Variants in SORCS2 observed in about 807,000 individuals in gnomAD.
The protein encoded by SORCS2 is VPS10 domain-containing receptor SorCS2.
Under a neutral mutation model 141.6 loss-of-function variants are expected in SORCS2, and 100 were observed. The ratio of observed to expected loss-of-function variants is 0.71; its 90% confidence interval spans 0.60 to 0.83. SORCS2 has a LOEUF of 0.83. Among genes scored for constraint, SORCS2 ranks in the 40% least tolerant of loss-of-function variants. SORCS2 has a pLI of 0.00. For synonymous variants in SORCS2, 789 were observed against 676.9 expected (o/e 1.17, Z -2.57); for missense variants, 1,646 against 1,560.2 (o/e 1.05, Z -0.93).
chr4:7,710,555 A>C (rs1725762463), intron 14 of SORCS2, among the ~76,000 whole-genome samples: 1 of 152,182 alleles, frequency 6.6e-6, no homozygotes, highest in Admixed American at 6.5e-5. Context: ...TTAAGAGACC[A>C]ATGCCCCAGG....
chr4:7,426,318 C>T (rs577733233), intron 2 of SORCS2, among the ~76,000 whole-genome samples: 49 of 36,712 alleles, frequency 1.3e-3, no homozygotes, highest in Middle Eastern at 0.018. Flanking sequence ...GGCCCGAGGA[C>T]GGCTTTGCTG....
intron 3 of SORCS2, among the ~76,000 whole-genome samples, chr4:7,603,119 G>C (rs9291138): frequency 0.023 from 3,518 of 151,806 alleles, 156 homozygotes; most frequent in African/African-American, 0.079. Context: ...CTACAGTTCA[G>C]CCTCCGCTCG....
intron 1 of SORCS2, among the ~76,000 whole-genome samples, chr4:7,383,150 C>A (rs1260367927): frequency 6.6e-6 from 1 of 152,136 alleles, no homozygotes; most frequent in Non-Finnish European, 1.5e-5. Flanking sequence ...CTTCTCCCAG[C>A]AGCTTTCTTG....
At chr4:7,561,069 T>C (rs1490026119) in intron 3 of SORCS2, among the ~76,000 whole-genome samples, 1 of 152,178 alleles carries the variant, frequency 6.6e-6, no homozygotes, top group Non-Finnish European at 1.5e-5. Flanking sequence ...TGTCTTTCGA[T>C]GTCACCTCCT....
chr4:7,396,176 C>T (rs959867686), intron 1 of SORCS2, 112 bp from the exon 2 acceptor site: 17 of 906,968 alleles, frequency 1.9e-5, no homozygotes, highest in South Asian at 8.2e-5. Context: ...GGCCCCTGGG[C>T]GGCTGTTATT....
At chr4:7,391,909 A>G (rs1723887573) in intron 1 of SORCS2, among the ~76,000 whole-genome samples, 1 of 152,158 alleles carries the variant, frequency 6.6e-6, no homozygotes, top group Non-Finnish European at 1.5e-5. Context: ...CTGCAGACAC[A>G]CAGTCCCTAA....
intron 9 of SORCS2, among the ~76,000 whole-genome samples, chr4:7,677,774 C>T (rs1723259104): frequency 6.6e-6 from 1 of 152,194 alleles, no homozygotes; most frequent in Admixed American, 6.5e-5. Flanking sequence ...GGTTCATCTC[C>T]CCAGCAGACG....
At chr4:7,540,201 C>T (rs960351289) in intron 3 of SORCS2, among the ~76,000 whole-genome samples, 1 of 131,276 alleles carries the variant, frequency 7.6e-6, no homozygotes, top group South Asian at 2.6e-4. Flanking sequence ...CCTCCCTGCC[C>T]CTCCCTGCCC....
At chr4:7,222,654 C>T (rs544193888) in intron 1 of SORCS2, among the ~76,000 whole-genome samples, 3 of 152,188 alleles carry the variant, frequency 2.0e-5, no homozygotes, top group Admixed American at 6.5e-5. Context: ...GTAGTGCGGC[C>T]GGGGCAGAGG....
chr4:7,689,509 C>T lies in SORCS2; in HGVS notation c.1512C>T (p.His504=), dbSNP rs183518374. The T allele has an allele frequency of 3.1e-4, 501 of 1,604,282 alleles. No homozygotes were observed. The African/African-American group carries it at 4.4e-3, about 14-fold the overall frequency. ...AGCCAGACTGCCACCTGCACCTGCA[C>T]CTGCGCTGGGCAGACAACCCCTACG... ...CKPPDCHLHL[H]LRWADNPYVS... Residue 504 remains histidine, a synonymous_variant, in exon 11 of 27, where the codon CAC becomes CAT. Transcript: ENST00000507866.
At chr4:7,729,829 C>T (rs1231639932) in intron 23 of SORCS2, 117 bp downstream of exon 23, 9 of 1,413,482 alleles carry the variant, frequency 6.4e-6, no homozygotes, top group Non-Finnish European at 8.5e-6. Flanking sequence ...TTTCTCGCTG[C>T]ATCTCAGTCT....
In SORCS2 at chr4:7,591,197, C is replaced by A. The variant is rs552163251; in HGVS notation, c.649-47131C>A. 2.6e-5 allele frequency among the ~76,000 whole-genome samples: 4 copies of A among 152,340 alleles called. No homozygotes were observed. In the South Asian group the frequency reaches 8.3e-4, roughly 32 times the overall value. ...CTTCCTCTTCCTCCTCCCACCTTCT[C>A]CTTCTTCTCTTGTGCTCAGCCTCCT... On this transcript the variant is annotated intron_variant, in intron 3 of 26. Coordinates refer to ENST00000507866, the MANE Select transcript of SORCS2 (RefSeq NM_020777.3).
intron 3 of SORCS2, among the ~76,000 whole-genome samples, chr4:7,573,548 C>T (rs958227616): frequency 2.6e-5 from 4 of 152,194 alleles, no homozygotes; most frequent in Non-Finnish European, 5.9e-5. Context: ...GACAGCATCT[C>T]GCTCTGTCGC....
intron 2 of SORCS2, among the ~76,000 whole-genome samples, chr4:7,476,194 G>C (rs1478670838): frequency 2.0e-5 from 3 of 152,226 alleles, no homozygotes; most frequent in Non-Finnish European, 4.4e-5. Context: ...CTAGAGGACA[G>C]GTACTCAAGG....
At chr4:7,567,689 A>T (rs2109698948) in intron 3 of SORCS2, among the ~76,000 whole-genome samples, 1 of 152,334 alleles carries the variant, frequency 6.6e-6, no homozygotes, top group African/African-American at 2.4e-5. Context: ...TCTTTGGAAG[A>T]AGGTTGCTAT....
intron 1 of SORCS2, among the ~76,000 whole-genome samples, chr4:7,200,376 C>T (rs1305390942): frequency 2.0e-5 from 3 of 152,124 alleles, no homozygotes; most frequent in Non-Finnish European, 2.9e-5. Context: ...TGGGTTCTCT[C>T]CCTGCAGCGC....
chr4:7,493,725 A>T (rs1035835558), intron 2 of SORCS2, among the ~76,000 whole-genome samples: 2 of 152,184 alleles, frequency 1.3e-5, no homozygotes, highest in African/African-American at 4.8e-5. Context: ...GAGAGAGAAC[A>T]CGCGGAGCCA....
intron 1 of SORCS2, among the ~76,000 whole-genome samples, chr4:7,231,197 G>T (rs1349267846): frequency 1.3e-5 from 2 of 152,220 alleles, no homozygotes; most frequent in Non-Finnish European, 2.9e-5. Flanking sequence ...GAGCCTGGAA[G>T]AGCTGATGCT....
intron 2 of SORCS2, among the ~76,000 whole-genome samples, chr4:7,476,379 G>C (rs1730292812): frequency 6.6e-6 from 1 of 152,150 alleles, no homozygotes; most frequent in African/African-American, 2.4e-5. Context: ...ACTGGGGCTG[G>C]CTGGGCAGAG....
Sources: allele counts gnomAD v4.1 joint callset (sites outside exome capture counted in the v4.1 genomes callset), GRCh38; gene constraint gnomAD v4.1.1; transcripts MANE v1.5; gene names NCBI Gene and HGNC (gene_info 2026-07-23, HGNC 2026-07-21).